SUSD3: variants seen among roughly 807,000 people sequenced by gnomAD.
SUSD3 encodes the protein sushi domain containing 3, also known as sushi domain-containing protein 3.
In SUSD3, 18 loss-of-function variants were observed where a neutral mutation model predicts 20.6. That is an observed-to-expected ratio of 0.87 (90% CI 0.60 to 1.30). The LOEUF is 1.30. SUSD3 is among the 50% of genes most tolerant of loss of function. The pLI is 0.00. For synonymous variants in SUSD3, 137 were observed against 141.5 expected (o/e 0.97, Z 0.23); for missense variants, 306 against 346.9 (o/e 0.88, Z 0.94).
chr9:93,062,310 G>A (rs1269017713), intron 1 of SUSD3, among the ~76,000 whole-genome samples: 2 of 152,210 alleles, frequency 1.3e-5, no homozygotes, highest in Non-Finnish European at 1.5e-5. Flanking sequence ...TTTTTATTTT[G>A]TATCTTGTTT....
chr9:93,075,551 G>C (rs764992510), intron 1 of SUSD3, among the ~76,000 whole-genome samples: 2 of 149,532 alleles, frequency 1.3e-5, no homozygotes, highest in Admixed American at 1.4e-4. Context: ...TTTTTTTAAT[G>C]CTCCAATCCT....
Position 93,075,770 on chromosome 9 carries a change from G to T in SUSD3, c.89-14G>T, listed in dbSNP as rs1317109212. 1.5e-5 allele frequency: 15 copies of T among 996,896 alleles called. No individual in the cohort carries two copies. Among genetic ancestry groups the T allele is most frequent in the Non-Finnish European group, 1.8e-5 (14 of 765,728 alleles). The allele number at this position is 996,896 out of a possible 1,614,324, so 61.8% of individuals were successfully genotyped here. A position where few individuals can be genotyped will look rare whatever the true frequency, so the allele number is the denominator to read the frequency against. ...CCCCCCCCCGCCATGCCTCATACCT[G>T]CCTGTCTCCCCAGGCACGTGCGCTA... On this transcript the variant is annotated splice_polypyrimidine_tract_variant and intron_variant, in intron 1 of 4. Coordinates refer to ENST00000375472, the MANE Select transcript of SUSD3 (RefSeq NM_145006.4).
At chr9:93,077,108 C>T (rs141749238) in intron 2 of SUSD3, among the ~76,000 whole-genome samples, 80 of 152,296 alleles carry the variant, frequency 5.3e-4, no homozygotes, top group African/African-American at 1.6e-3. Context: ...GGGGAGTAAA[C>T]GGTGTTGCTC....
At chr9:93,070,265 C>T (rs1342467027) in intron 1 of SUSD3, among the ~76,000 whole-genome samples, 1 of 152,192 alleles carries the variant, frequency 6.6e-6, no homozygotes, top group East Asian at 1.9e-4. Context: ...GGCATTTGGG[C>T]AGGTGAATCC....
At chr9:93,075,744 C>G (rs751559669) in intron 1 of SUSD3, 40 bp from the exon 2 acceptor site, 30 of 175,354 alleles carry the variant, frequency 1.7e-4, no homozygotes, top group African/African-American at 4.4e-4. Flanking sequence ...GTGCCCACCC[C>G]CCCCCCCCCG....
chr9:93,084,270 A>AG (rs1826549952), intron 4 of SUSD3, among the ~76,000 whole-genome samples: 1 of 151,940 alleles, frequency 6.6e-6, no homozygotes, highest in Non-Finnish European at 1.5e-5. Context: ...CCCACACCTT[A>AG]GGGGGGCAAG....
At chr9:93,060,232 C>G (rs1265722781) in intron 1 of SUSD3, among the ~76,000 whole-genome samples, 1 of 152,200 alleles carries the variant, frequency 6.6e-6, no homozygotes, top group Admixed American at 6.5e-5. Context: ...CCACCATGAC[C>G]ACTTCCCAGG....
chr9:93,074,587 T>A (rs1488693327), intron 1 of SUSD3, among the ~76,000 whole-genome samples: 3 of 150,290 alleles, frequency 2.0e-5, no homozygotes, highest in African/African-American at 7.4e-5. Context: ...GAGGTGGGCT[T>A]CCCCATAGAG....
chr9:93,081,140 G>A (rs545078068), intron 4 of SUSD3, among the ~76,000 whole-genome samples: 3 of 152,232 alleles, frequency 2.0e-5, no homozygotes, highest in Admixed American at 2.0e-4. Context: ...GTGTCCTTCT[G>A]ATCCATCCCC....
At chr9:93,081,881 G>A (rs1047784681) in intron 4 of SUSD3, among the ~76,000 whole-genome samples, 1 of 152,202 alleles carries the variant, frequency 6.6e-6, no homozygotes, top group African/African-American at 2.4e-5. Context: ...TGAGTGGTCA[G>A]GCGTGGTCAG....
At chr9:93,081,990 T>G (rs1826434191) in intron 4 of SUSD3, among the ~76,000 whole-genome samples, 2 of 152,368 alleles carry the variant, frequency 1.3e-5, no homozygotes, top group South Asian at 4.1e-4. Flanking sequence ...GAATATTTTA[T>G]GACCACATTC....
intron 1 of SUSD3, among the ~76,000 whole-genome samples, chr9:93,059,128 TCTCCACGCCGCAGG>T (rs1285462637): frequency 6.6e-5 from 10 of 151,678 alleles, no homozygotes; most frequent in Non-Finnish European, 1.5e-4. Context: ...CGGCCAAGCC[TCTCCACGCCGCAGG>T]CTCCGGGCCC....
chr9:93,066,121 C>G (rs780120896), intron 1 of SUSD3, among the ~76,000 whole-genome samples: 1 of 152,240 alleles, frequency 6.6e-6, no homozygotes, highest in African/African-American at 2.4e-5. Context: ...AGGCCCTCCC[C>G]ACTCTGTGTA....
At chr9:93,078,374 T>C (rs573191049) in intron 3 of SUSD3, among the ~76,000 whole-genome samples, 1 of 152,312 alleles carries the variant, frequency 6.6e-6, no homozygotes, top group East Asian at 1.9e-4. Flanking sequence ...TTCTCCTGCC[T>C]CAGCCTTCCT....
At chr9:93,078,823 G>A (rs796638157) in intron 3 of SUSD3, among the ~76,000 whole-genome samples, 10 of 148,944 alleles carry the variant, frequency 6.7e-5, no homozygotes, top group African/African-American at 2.0e-4. Flanking sequence ...TTTTTGAGAC[G>A]GAGTCTCACT....
At chr9:93,062,438 C>T (rs1825546574) in intron 1 of SUSD3, among the ~76,000 whole-genome samples, 1 of 152,214 alleles carries the variant, frequency 6.6e-6, no homozygotes, top group South Asian at 2.1e-4. Context: ...AGGGCAGCCA[C>T]AACCATGGGC....
Position 93,058,708 on chromosome 9 carries a change from T to C in SUSD3, c.-35T>C, listed in dbSNP as rs1007350798. 2.7e-5 allele frequency: 33 copies of C among 1,206,764 alleles called. No homozygotes were observed. Among genetic ancestry groups the C allele is most frequent in the Non-Finnish European group, 3.4e-5 (33 of 965,296 alleles). 74.8% of individuals were successfully genotyped at this position (1,206,764 alleles called of 1,614,324 possible). On this transcript the variant is annotated 5_prime_UTR_variant, in exon 1 of 5. Coordinates refer to ENST00000375472, the MANE Select transcript of SUSD3 (RefSeq NM_145006.4). ...CCCCCACAAGCCGGGCTCACTCCCC[T>C]GGCAGACCCCGCCAAGCGCCTCGGA... is the stretch of plus-strand genomic sequence containing the variant.
At position 93,072,111 on chromosome 9, in the gene SUSD3, T is replaced by C. The variant is rs527634628; in HGVS notation, c.89-3673T>C. 2.6e-5 allele frequency among the ~76,000 whole-genome samples: 4 copies of C among 152,198 alleles called. No individual in the cohort carries two copies. The East Asian group carries it at 5.8e-4, about 22-fold the overall frequency. On this transcript the variant is annotated intron_variant, in intron 1 of 4. Coordinates refer to ENST00000375472, the MANE Select transcript of SUSD3 (RefSeq NM_145006.4). Reference sequence around the variant, plus strand: ...AGCACCCATTAGGCCCCCAGTGTTGTCTGTGTTAGATCAGTCCCTCCCCCA... The same window carrying C: ...AGCACCCATTAGGCCCCCAGTGTTGCCTGTGTTAGATCAGTCCCTCCCCCA...
At position 93,084,953 on chromosome 9, in the gene SUSD3, A is replaced by T; in HGVS notation, c.*206A>T. On this transcript the variant is annotated 3_prime_UTR_variant, in exon 5 of 5. Transcript: ENST00000375472. ...AGTGGGGAGTGTTCTGTTCCGGCAT[A>T]TCCTGGCCGTAACGATTTTTATAGT... The T allele has an allele frequency of 2.2e-6, 1 of 447,668 alleles. No homozygotes were observed. The highest frequency in any genetic ancestry group is 5.6e-4 in the Middle Eastern group (1 of 1,770). The allele number at this position is 447,668 out of a possible 1,614,324, so 27.7% of individuals were successfully genotyped here. A position where few individuals can be genotyped will look rare whatever the true frequency, so the allele number is the denominator to read the frequency against.
Sources: allele counts gnomAD v4.1 joint callset (sites outside exome capture counted in the v4.1 genomes callset), GRCh38; gene constraint gnomAD v4.1.1; transcripts MANE v1.5; gene names NCBI Gene and HGNC (gene_info 2026-07-23, HGNC 2026-07-21).